HNF4G: variants seen among roughly 807,000 people sequenced by gnomAD.
HNF4G encodes hepatocyte nuclear factor 4-gamma.
In HNF4G, 21 loss-of-function variants were observed where a neutral mutation model predicts 50.9. The observed-to-expected ratio is 0.41, with a 90% CI of 0.29 to 0.59. HNF4G has a LOEUF of 0.59. Ranked by LOEUF, HNF4G falls within the 20% of genes least tolerant of loss-of-function variation. The pLI, the probability that HNF4G is intolerant of heterozygous loss-of-function variation, is 0.26. For missense variants in HNF4G, 527 were observed against 559.4 expected, an observed-to-expected ratio of 0.94 and a Z score of 0.58; for synonymous variants, 198 against 185.6, an observed-to-expected ratio of 1.07 and a Z score of -0.54.
At chr8:75,448,919 A>T (rs902694064) in intron 1 of HNF4G, among the ~76,000 whole-genome samples, 2 of 152,220 alleles carry the variant, frequency 1.3e-5, no homozygotes, top group Non-Finnish European at 2.9e-5. Flanking sequence ...TAAAATGCAA[A>T]GGACTTTGTG....
At chr8:75,517,575 A>G (rs1250731237) in intron 2 of HNF4G, among the ~76,000 whole-genome samples, 1 of 152,160 alleles carries the variant, frequency 6.6e-6, no homozygotes, top group Admixed American at 6.5e-5. Context: ...TCAAATCTTA[A>G]AGCTCCAAAG....
chr8:75,548,497 T>C (rs1563550335), intron 3 of HNF4G, among the ~76,000 whole-genome samples: 1 of 152,210 alleles, frequency 6.6e-6, no homozygotes, highest in Non-Finnish European at 1.5e-5. Context: ...GCTTGTATTA[T>C]ATCGAGGGAC....
At chr8:75,528,116 C>T (rs1585924680) in intron 2 of HNF4G, among the ~76,000 whole-genome samples, 1 of 152,082 alleles carries the variant, frequency 6.6e-6, no homozygotes. Context: ...TCTGCTTACT[C>T]CTAAGGCTGG....
At chr8:75,439,712 C>G (rs544331021) in intron 1 of HNF4G, among the ~76,000 whole-genome samples, 14 of 152,056 alleles carry the variant, frequency 9.2e-5, no homozygotes, top group Non-Finnish European at 2.1e-4. Context: ...ATGTCAAAAA[C>G]TTCAAACATT....
chr8:75,486,488 G>T (rs1812500932), intron 1 of HNF4G, among the ~76,000 whole-genome samples: 2 of 152,198 alleles, frequency 1.3e-5, no homozygotes, highest in Admixed American at 6.5e-5. Context: ...CCCTTAGGAA[G>T]AAAATAAGAT....
At chr8:75,496,823 G>T (rs1051949759) in intron 2 of HNF4G, among the ~76,000 whole-genome samples, 1 of 143,654 alleles carries the variant, frequency 7.0e-6, no homozygotes. Context: ...TATATATATG[G>T]CATTAAAATA....
chr8:75,526,705 A>T lies in HNF4G; in HGVS notation c.-23-17106A>T, dbSNP rs560342730. ...ATGCCACCACACAAGACTAATTAAA[A>T]TTTTTTTTTTTTTTTTAGTAGAGAC... On this transcript the variant is annotated intron_variant, in intron 2 of 10. Coordinates refer to the HNF4G transcript ENST00000354370. Among the ~76,000 whole-genome samples the T allele has an allele frequency of 3.0e-3, 420 of 140,636 alleles. 1 individual carries two copies. Among genetic ancestry groups the T allele is most frequent in the Middle Eastern group, 7.5e-3 (2 of 266 alleles). 92.3% of individuals were successfully genotyped at this position (140,636 alleles called of 152,430 possible).
intron 1 of HNF4G, among the ~76,000 whole-genome samples, chr8:75,441,391 G>A (rs1202320443): frequency 6.6e-6 from 1 of 151,936 alleles, no homozygotes; most frequent in Non-Finnish European, 1.5e-5. Context: ...GACTGCAGGT[G>A]TGCGCCACCA....
chr8:75,423,479 C>T (rs998897966), intron 1 of HNF4G, among the ~76,000 whole-genome samples: 2 of 151,282 alleles, frequency 1.3e-5, no homozygotes, highest in South Asian at 2.1e-4. Context: ...AACTCCGCCT[C>T]CCAGGTTCAT....
intron 1 of HNF4G, among the ~76,000 whole-genome samples, chr8:75,466,059 T>A (rs1005569604): frequency 1.3e-5 from 2 of 152,166 alleles, no homozygotes; most frequent in African/African-American, 4.8e-5. Context: ...ACCTTTACTA[T>A]CATTTTTAAT....
At position 75,529,151 on chromosome 8, in the gene HNF4G, A is replaced by C. The variant is rs570595596; in HGVS notation, c.-23-14660A>C. ...AATACAAAAAAAAAAATTAGCTGGG[A>C]GTGGTGGCGGGCGCCTGTAGTCCCA... On this transcript the variant is annotated intron_variant, in intron 2 of 10. Coordinates refer to the HNF4G transcript ENST00000354370. Among the ~76,000 whole-genome samples, 93 of 151,944 alleles carry C rather than the reference A, an allele frequency of 6.1e-4. No individual in the cohort carries two copies. The South Asian group carries it at 8.7e-3, about 14-fold the overall frequency.
At chr8:75,509,202 G>A (rs1805685034) in intron 2 of HNF4G, among the ~76,000 whole-genome samples, 1 of 152,184 alleles carries the variant, frequency 6.6e-6, no homozygotes, top group Non-Finnish European at 1.5e-5. Context: ...CCCAGTTCTA[G>A]TGTGCTCTAG....
At chr8:75,448,493 A>AG (rs1357767474) in intron 1 of HNF4G, among the ~76,000 whole-genome samples, 1 of 150,488 alleles carries the variant, frequency 6.6e-6, no homozygotes, top group Non-Finnish European at 1.5e-5. Context: ...TCTTTAAAAA[A>AG]AAAAAAAAAC....
chr8:75,557,259 T>C (rs1807155516), intron 6 of HNF4G, among the ~76,000 whole-genome samples: 1 of 152,340 alleles, frequency 6.6e-6, no homozygotes, highest in African/African-American at 2.4e-5. Context: ...ATAGTAACTA[T>C]GTGAGGTGAA....
At position 75,467,621 on chromosome 8, in the gene HNF4G, G is replaced by A. The variant is rs113437958; in HGVS notation, c.-143-22468G>A. 2.2e-3 allele frequency among the ~76,000 whole-genome samples: 328 copies of A among 150,466 alleles called. 1 individual carries two copies. The highest frequency in any genetic ancestry group is 3.8e-3 in the Non-Finnish European group (258 of 67,652). ...GTTGCAGTGAGTGGAGATCGTGCCA[G>A]TGCACTCCAGCCTGGCAACAGAGCA... On this transcript the variant is annotated intron_variant, in intron 1 of 10. Coordinates refer to the HNF4G transcript ENST00000354370.
intron 1 of HNF4G, among the ~76,000 whole-genome samples, chr8:75,479,739 G>T (rs1404147306): frequency 6.6e-6 from 1 of 151,504 alleles, no homozygotes; most frequent in Non-Finnish European, 1.5e-5. Context: ...GGAGGTGAAG[G>T]AAGATTTTAC....
At chr8:75,427,532 G>A (rs927875058) in intron 1 of HNF4G, among the ~76,000 whole-genome samples, 3 of 151,668 alleles carry the variant, frequency 2.0e-5, no homozygotes, top group Non-Finnish European at 4.4e-5. Context: ...AGCTGAGATT[G>A]CACCACTGCA....
chr8:75,562,283 G>A (rs1309771255), intron 9 of HNF4G, among the ~76,000 whole-genome samples: 7 of 152,046 alleles, frequency 4.6e-5, no homozygotes, highest in African/African-American at 1.4e-4. Context: ...AGATCTTTGT[G>A]TAAATAGTAT....
intron 2 of HNF4G, among the ~76,000 whole-genome samples, chr8:75,516,412 G>T (rs1237175719): frequency 1.3e-5 from 2 of 151,370 alleles, no homozygotes; most frequent in Non-Finnish European, 2.9e-5. Context: ...GTTTAATTTT[G>T]TCATGGTCCA....
Sources: gnomAD v4.1 joint callset for allele counts (sites outside exome capture counted in the v4.1 genomes callset) on GRCh38, gnomAD v4.1.1 for gene constraint, MANE v1.5 for transcripts, NCBI Gene and HGNC (gene_info 2026-07-23, HGNC 2026-07-21) for gene names.